PITRM1: variants seen among roughly 807,000 people sequenced by gnomAD.
PITRM1 encodes the protein pitrilysin metallopeptidase 1.
A neutral mutation model predicts 129.9 loss-of-function variants in PITRM1; 100 were observed. The observed-to-expected ratio is 0.77, with a 90% CI of 0.65 to 0.91. PITRM1 has a LOEUF of 0.91. Ranked by LOEUF, PITRM1 falls within the 40% of genes least tolerant of loss-of-function variation. The pLI, the probability that PITRM1 is intolerant of heterozygous loss-of-function variation, is 0.00. For missense variants in PITRM1, 1,471 were observed against 1,318.3 expected (o/e 1.12, Z -1.79); for synonymous variants, 591 against 508.8 (o/e 1.16, Z -2.17).
At position 3,147,716 on chromosome 10, in the gene PITRM1, C is replaced by T; in HGVS notation, c.2091G>A (p.Glu697=). 1 of 1,598,164 alleles carries T rather than the reference C, an allele frequency of 6.3e-7. No individual in the cohort carries two copies. Among genetic ancestry groups the T allele is most frequent in the Non-Finnish European group, 8.5e-7 (1 of 1,174,346 alleles). The change falls in exon 19 of 27, where the codon GAG becomes GAA. Residue 697 remains glutamate, a synonymous_variant. Transcript: ENST00000224949. ...IFNNPCFEEE[E]HFKVLVKMTA... is the part of the protein sequence containing the mutation. ...TCATCTTCACCAGCACCTTGAAGTG[C>T]TCCTCTTCTTCAAAGCACGGGCTAT...
At chr10:3,155,500 T>C (rs1333828419) in intron 14 of PITRM1, 91 bp downstream of exon 14, 11 of 1,516,140 alleles carry the variant, frequency 7.3e-6, no homozygotes, top group Non-Finnish European at 9.0e-6. Flanking sequence ...TTGGTTGAAA[T>C]AATACCTGCC....
chr10:3,143,201 A>G (rs4881110), intron 23 of PITRM1, 188 bp downstream of exon 23: 171,364 of 591,312 alleles, frequency 0.29, 25,842 homozygotes, highest in African/African-American at 0.43. Context: ...TGGCTCTAAA[A>G]CTGGGTCTCT....
At chr10:3,140,425 CACTA>C (rs1840067918) in intron 24 of PITRM1, among the ~76,000 whole-genome samples, 1 of 152,198 alleles carries the variant, frequency 6.6e-6, no homozygotes, top group Non-Finnish European at 1.5e-5. Flanking sequence ...CGGATGGAGG[CACTA>C]CCGTGTTCTG....
intron 10 of PITRM1, among the ~76,000 whole-genome samples, chr10:3,158,438 T>C (rs9423707): frequency 0.66 from 100,111 of 152,032 alleles, 33,178 homozygotes; most frequent in Non-Finnish European, 0.7. Context: ...TAGTCCCAGC[T>C]ACTCTGGAGG....
chr10:3,149,462 T>G, intron 16 of PITRM1, 159 bp downstream of exon 16: 1 of 614,082 alleles, frequency 1.6e-6, no homozygotes, highest in Non-Finnish European at 2.7e-6. Flanking sequence ...AATGTTACTT[T>G]CATAAAAAAT....
intron 22 of PITRM1, 119 bp downstream of exon 22, chr10:3,144,173 C>A: frequency 1.5e-6 from 1 of 653,608 alleles, no homozygotes; most frequent in South Asian, 1.8e-5. Flanking sequence ...ACTCGCAACT[C>A]TAGGGACACG....
At chr10:3,144,475 C>T (rs1840634223) in intron 21 of PITRM1, 109 bp from the exon 22 acceptor site, 1 of 664,362 alleles carries the variant, frequency 1.5e-6, no homozygotes, top group African/African-American at 1.8e-5. Flanking sequence ...AGTGTTAGGG[C>T]AGGTGTAAGT....
chr10:3,141,548 C>G (rs1840196659), intron 23 of PITRM1: 1 of 330,258 alleles, frequency 3.0e-6, no homozygotes, highest in Admixed American at 3.9e-5. Context: ...TTTCTAGGAA[C>G]AGGGCCAATT....
chr10:3,171,885 T>C lies in PITRM1; in HGVS notation c.56+832A>G, dbSNP rs79236360. On this transcript the variant is annotated intron_variant, in intron 1 of 26. Transcript: ENST00000224949. ...AACACGTAATTATTATTCTCTCCAATTGTATTATATGTCGTATGGGATTTT... is the reference window on the plus strand; with the variant it reads ...AACACGTAATTATTATTCTCTCCAACTGTATTATATGTCGTATGGGATTTT... Among the ~76,000 whole-genome samples the C allele has an allele frequency of 2.4e-3, 361 of 152,292 alleles. 3 individuals are homozygous for C. The highest frequency in any genetic ancestry group is 8.1e-3 in the African/African-American group (338 of 41,554).
chr10:3,161,713 C>A (rs1412837625), intron 7 of PITRM1, among the ~76,000 whole-genome samples: 2 of 152,000 alleles, frequency 1.3e-5, no homozygotes, highest in African/African-American at 4.8e-5. Flanking sequence ...GAAGTTAGAC[C>A]AAAACGGGCC....
intron 23 of PITRM1, 25 bp from the exon 24 acceptor site, chr10:3,140,837 T>C (rs1285980051): frequency 6.5e-7 from 1 of 1,545,472 alleles, no homozygotes; most frequent in Non-Finnish European, 8.8e-7. Context: ...AAATGCAAGT[T>C]AATACCGTGG....
intron 2 of PITRM1, among the ~76,000 whole-genome samples, chr10:3,169,504 A>G (rs571346195): frequency 2.0e-5 from 3 of 152,358 alleles, no homozygotes; most frequent in South Asian, 2.1e-4. Flanking sequence ...CACGTTTGCT[A>G]TAACATCAAG....
At chr10:3,144,429 G>A in intron 21 of PITRM1, 63 bp from the exon 22 acceptor site, 5 of 944,960 alleles carry the variant, frequency 5.3e-6, no homozygotes, top group Non-Finnish European at 8.2e-6. Context: ...TATATAAGAA[G>A]TAACAGAGTT....
intron 24 of PITRM1, 44 bp from the exon 25 acceptor site, chr10:3,139,093 G>A (rs747237760): frequency 5.1e-6 from 8 of 1,559,180 alleles, no homozygotes; most frequent in East Asian, 2.2e-5. Flanking sequence ...TTTACCAGTG[G>A]ACAAGTTTAT....
chr10:3,138,475 C>CA (rs1198430503), intron 25 of PITRM1, 138 bp from the exon 26 acceptor site: 1 of 681,582 alleles, frequency 1.5e-6, no homozygotes, highest in African/African-American at 1.8e-5. Context: ...ATGTGTCTAA[C>CA]AACCCAGAGA....
chr10:3,143,655 C>T (rs1232223889), intron 22 of PITRM1, 154 bp from the exon 23 acceptor site: 10 of 715,054 alleles, frequency 1.4e-5, no homozygotes, highest in Non-Finnish European at 2.3e-5. Context: ...ATCTCCGTGA[C>T]ACTCTGCAGC....
chr10:3,149,450 A>G (rs1004714851), intron 16 of PITRM1, 171 bp downstream of exon 16: 1 of 564,004 alleles, frequency 1.8e-6, no homozygotes, highest in Non-Finnish European at 3.0e-6. Context: ...ATATAGTAAG[A>G]AAATGTTACT....
intron 11 of PITRM1, 53 bp from the exon 12 acceptor site, chr10:3,157,584 GTAATCCCAGCACT>G (rs1349796497): frequency 3.1e-5 from 37 of 1,202,758 alleles, no homozygotes; most frequent in Non-Finnish European, 3.7e-5. Context: ...GCTCATGCTT[GTAATCCCAGCACT>G]TTGGGAGGCC....
chr10:3,145,377 G>C (rs1840747707), intron 21 of PITRM1: 1 of 551,002 alleles, frequency 1.8e-6, no homozygotes. Flanking sequence ...AGTGAGCGCG[G>C]GATCTAAGGC....
Sources: allele counts gnomAD v4.1 joint callset (sites outside exome capture counted in the v4.1 genomes callset), GRCh38; gene constraint gnomAD v4.1.1; transcripts MANE v1.5; gene names NCBI Gene and HGNC (gene_info 2026-07-23, HGNC 2026-07-21).